Variants in COL28A1 observed in about 807,000 individuals in gnomAD.
The protein encoded by COL28A1 is collagen type XXVIII alpha 1 chain, also known as collagen alpha-1(XXVIII) chain.
In COL28A1, 161 loss-of-function variants were observed where a neutral mutation model predicts 150.2. The observed-to-expected ratio is 1.07, with a 90% CI of 0.94 to 1.22. COL28A1 has a LOEUF of 1.22. Among genes scored for constraint, COL28A1 ranks in the 50% most tolerant of loss-of-function variants. COL28A1 has a pLI of 0.00. For synonymous variants in COL28A1, 552 were observed against 469.7 expected (o/e 1.18, Z -2.26); for missense variants, 1,617 against 1,388.3 (o/e 1.16, Z -2.62).
intron 18 of COL28A1, among the ~76,000 whole-genome samples, chr7:7,446,366 G>C (rs1172779698): frequency 1.3e-5 from 2 of 151,850 alleles, no homozygotes; most frequent in African/African-American, 2.4e-5. Flanking sequence ...TAATCTTTGA[G>C]AAAAATATGA....
At chr7:7,530,615 G>A (rs1387397867) in intron 3 of COL28A1, among the ~76,000 whole-genome samples, 1 of 152,084 alleles carries the variant, frequency 6.6e-6, no homozygotes, top group East Asian at 1.9e-4. Flanking sequence ...TTGTGAAGAG[G>A]GATTTCCTTT....
At chr7:7,490,200 G>A (rs978412800) in intron 12 of COL28A1, among the ~76,000 whole-genome samples, 6 of 151,988 alleles carry the variant, frequency 3.9e-5, no homozygotes, top group African/African-American at 1.5e-4. Context: ...GGCCCTTCTG[G>A]TTTCTGCCCC....
the COL28A1 span, among the ~76,000 whole-genome samples, chr7:7,342,271 C>A: frequency 0.9 from 137,529 of 152,128 alleles, 62,287 homozygotes; most frequent in East Asian, 1. Context: ...TCATTTGGTT[C>A]GTATTAGCAT....
At chr7:7,455,518 A>G (rs1787078921) in intron 16 of COL28A1, among the ~76,000 whole-genome samples, 1 of 152,298 alleles carries the variant, frequency 6.6e-6, no homozygotes, top group Admixed American at 6.5e-5. Flanking sequence ...TATAAATTAT[A>G]TCTGTGTTTT....
At chr7:7,499,473 T>G (rs1780401787) in intron 11 of COL28A1, among the ~76,000 whole-genome samples, 1 of 152,212 alleles carries the variant, frequency 6.6e-6, no homozygotes, top group Non-Finnish European at 1.5e-5. Context: ...AAGAGAATTG[T>G]GAACTTAAAA....
intron 8 of COL28A1, among the ~76,000 whole-genome samples, chr7:7,512,392 GAT>G (rs1216425429): frequency 1.3e-5 from 2 of 152,076 alleles, no homozygotes; most frequent in African/African-American, 4.8e-5. Flanking sequence ...TATGTGAAGT[GAT>G]ATATATGTTA....
chr7:7,529,090 T>C (rs781294236), intron 3 of COL28A1, among the ~76,000 whole-genome samples: 4 of 151,774 alleles, frequency 2.6e-5, no homozygotes, highest in Non-Finnish European at 5.9e-5. Flanking sequence ...TCACCTGAGG[T>C]CAGGAGTTTG....
At chr7:7,374,977 G>A (rs1359708621) in intron 31 of COL28A1, among the ~76,000 whole-genome samples, 2 of 152,182 alleles carry the variant, frequency 1.3e-5, no homozygotes, top group African/African-American at 2.4e-5. Flanking sequence ...TAGTTGTGAA[G>A]CAAGGTGAAT....
At chr7:7,418,452 C>A (rs979725689) in intron 26 of COL28A1, among the ~76,000 whole-genome samples, 35 of 152,164 alleles carry the variant, frequency 2.3e-4, no homozygotes, top group African/African-American at 8.4e-4. Flanking sequence ...ATAAACTGAG[C>A]CCATGTTTCT....
chr7:7,374,620 G>A (rs372024616), intron 31 of COL28A1, among the ~76,000 whole-genome samples: 2 of 152,050 alleles, frequency 1.3e-5, no homozygotes, highest in Non-Finnish European at 1.5e-5. Context: ...AAATTATCAG[G>A]ATTCTGTTTC....
chr7:7,368,690 G>A (rs1471814898), intron 33 of COL28A1, among the ~76,000 whole-genome samples: 2 of 152,120 alleles, frequency 1.3e-5, no homozygotes, highest in African/African-American at 2.4e-5. Context: ...AAGACATAAC[G>A]AGAAGGTGGC....
chr7:7,489,083 C>T (rs1212558389), intron 13 of COL28A1, among the ~76,000 whole-genome samples: 2 of 152,064 alleles, frequency 1.3e-5, no homozygotes, highest in East Asian at 3.9e-4. Context: ...GCCTGGCCAA[C>T]ATGGCAAAAC....
rs765060076 is a variant in COL28A1, at chr7:7,436,236, T to C, written c.1860+159A>G. Among the ~76,000 whole-genome samples the C allele has an allele frequency of 3.9e-5, 6 of 152,198 alleles. No homozygotes were observed. In the South Asian group the frequency reaches 1.2e-3, roughly 31 times the overall value. On this transcript the variant is annotated intron_variant, in intron 23 of 34. Coordinates refer to ENST00000399429, the MANE Select transcript of COL28A1 (RefSeq NM_001037763.3). Reference sequence around the variant, plus strand: ...CCCCACAAGTATGAAAAATAAACTATGTGATTGCTTGTTTTTTTAAAAAAA... The same window carrying C: ...CCCCACAAGTATGAAAAATAAACTACGTGATTGCTTGTTTTTTTAAAAAAA...
At chr7:7,504,606 C>A (rs1392697775) in intron 11 of COL28A1, among the ~76,000 whole-genome samples, 1 of 152,188 alleles carries the variant, frequency 6.6e-6, no homozygotes, top group Non-Finnish European at 1.5e-5. Context: ...CCTGCATCAC[C>A]CAAAGCTGCA....
intron 27 of COL28A1, among the ~76,000 whole-genome samples, chr7:7,397,840 T>C (rs1782929547): frequency 6.6e-6 from 1 of 152,204 alleles, no homozygotes; most frequent in Admixed American, 6.5e-5. Flanking sequence ...ACAGAGCACC[T>C]AATTCTTGAG....
At chr7:7,404,610 C>T (rs759752129) in intron 27 of COL28A1, among the ~76,000 whole-genome samples, 3 of 152,116 alleles carry the variant, frequency 2.0e-5, no homozygotes, top group Non-Finnish European at 4.4e-5. Flanking sequence ...GTCTCCCTCA[C>T]CTCCTCCGGT....
intron 18 of COL28A1, among the ~76,000 whole-genome samples, chr7:7,445,863 CTT>C (rs199729364): frequency 1.1e-4 from 16 of 141,782 alleles, no homozygotes; most frequent in Admixed American, 2.1e-4. Flanking sequence ...AACTTAATGC[CTT>C]TTTTTTTTTT....
At chr7:7,529,248 C>T (rs928321490) in intron 3 of COL28A1, among the ~76,000 whole-genome samples, 2 of 147,212 alleles carry the variant, frequency 1.4e-5, no homozygotes, top group Non-Finnish European at 3.0e-5. Flanking sequence ...AAGATCGTGC[C>T]ACTGCACTCC....
rs988122143 is a variant in COL28A1, at chr7:7,358,552, A to G, written c.*81T>C. 8 of 1,280,052 alleles carry G rather than the reference A, an allele frequency of 6.2e-6. No individual in the cohort carries two copies. In the African/African-American group the frequency reaches 1.2e-4, roughly 19 times the overall value. 79.3% of individuals were successfully genotyped at this position (1,280,052 alleles called of 1,614,324 possible). ...GTAAATACTCAGTATACACTCAAATATAGTGCTGTATTTGTATTGGGTGAA... is the reference window on the plus strand; with the variant it reads ...GTAAATACTCAGTATACACTCAAATGTAGTGCTGTATTTGTATTGGGTGAA... On this transcript the variant is annotated 3_prime_UTR_variant, in exon 35 of 35. Transcript: ENST00000399429.
Sources: allele counts gnomAD v4.1 joint callset (sites outside exome capture counted in the v4.1 genomes callset), GRCh38; gene constraint gnomAD v4.1.1; transcripts MANE v1.5; gene names NCBI Gene and HGNC (gene_info 2026-07-23, HGNC 2026-07-21).